Variants in ZNF777 observed in about 807,000 individuals in gnomAD.
ZNF777 encodes the protein zinc finger protein 777.
Under a neutral mutation model 72.1 loss-of-function variants are expected in ZNF777, and 7 were observed. The observed-to-expected ratio is 0.10, with a 90% CI of 0.06 to 0.18. The LOEUF is 0.18. Ranked by LOEUF, ZNF777 falls within the 10% of genes least tolerant of loss-of-function variation. The probability of loss-of-function intolerance (pLI) is 1.00; values close to 1 mark genes in which losing one functional copy is unlikely to be tolerated. For missense variants in ZNF777, 828 were observed against 1,128.6 expected (o/e 0.73, Z 3.82); for synonymous variants, 545 against 483.5 (o/e 1.13, Z -1.67).
chr7:149,451,562 G>C (rs1799717434), intron 3 of ZNF777, among the ~76,000 whole-genome samples: 1 of 151,842 alleles, frequency 6.6e-6, no homozygotes, highest in Admixed American at 6.6e-5. Flanking sequence ...CGTGGTGGCG[G>C]ATGCCTGTAA....
In ZNF777 at chr7:149,454,118, A is replaced by C; in HGVS notation, c.966T>G (p.Val322=). 6.2e-7 allele frequency: 1 copy of C among 1,614,200 alleles called. No individual in the cohort carries two copies. The highest frequency in any genetic ancestry group is 8.5e-7 in the Non-Finnish European group (1 of 1,180,018). Residue 322 remains valine, a synonymous_variant, in exon 3 of 6, where the codon GTT becomes GTG. Coordinates refer to ENST00000247930, the MANE Select transcript of ZNF777 (RefSeq NM_015694.3). ...GCGAAGGCTTCTCCTTACCCATGGA[A>C]ACCAGGGACTCGTAGTTGCCCCTCA... ...NVMRGNYESL[V]SMDYAISKPD... is the part of the protein sequence containing the mutation.
chr7:149,458,457 G>A (rs990319198), intron 1 of ZNF777, among the ~76,000 whole-genome samples: 5 of 152,104 alleles, frequency 3.3e-5, no homozygotes, highest in African/African-American at 1.2e-4. Flanking sequence ...TCCCTGGGGA[G>A]CAAGTTAGTC....
intron 4 of ZNF777, among the ~76,000 whole-genome samples, chr7:149,439,717 G>C (rs914121177): frequency 6.6e-6 from 1 of 152,136 alleles, no homozygotes; most frequent in Non-Finnish European, 1.5e-5. Context: ...AAATGTGTAT[G>C]TAAGTTGAAA....
intron 4 of ZNF777, among the ~76,000 whole-genome samples, chr7:149,439,062 G>T (rs1007317147): frequency 1.3e-5 from 2 of 152,024 alleles, no homozygotes; most frequent in South Asian, 2.1e-4. Flanking sequence ...CTGGCTCAAA[G>T]TCACCATCTT....
At position 149,432,264 on chromosome 7, in the gene ZNF777, T is replaced by C. The variant is rs1799322148; in HGVS notation, c.2008A>G (p.Lys670Glu). ...GERPYTCPEC[K>E]KSFRLHISLV... The stretch of plus-strand genomic sequence containing the variant: ...CTGATGTGCAGGCGGAAGCTCTTCT[T>C]GCACTCGGGGCACGTGTAGGGCCGC... The change falls in exon 6 of 6, where the codon AAG becomes GAG. Residue 670 changes from lysine (K) to glutamate (E), a missense_variant. Around this residue, in one of 12 missense-constraint regions of ZNF777, gnomAD observed 26 missense variants for 62.1 expected, o/e 0.42. Coordinates refer to ENST00000247930, the MANE Select transcript of ZNF777 (RefSeq NM_015694.3). The C allele has an allele frequency of 6.3e-7, 1 of 1,593,886 alleles. No individual in the cohort carries two copies. The highest frequency in any genetic ancestry group is 8.5e-7 in the Non-Finnish European group (1 of 1,173,848).
rs1799423087 is a variant in ZNF777 at position 149,436,982 on chromosome 7, G to A, written c.1088-156C>T. 6.6e-6 allele frequency among the ~76,000 whole-genome samples: 1 copy of A among 152,136 alleles called. No homozygotes were observed. The highest frequency in any genetic ancestry group is 2.4e-5 in the African/African-American group (1 of 41,416). ...ATTGAGTTGGAAATGAGTAGACACA[G>A]AATTTTCTGGACACCTTGTAGCTTT... On this transcript the variant is annotated intron_variant, in intron 4 of 5. Transcript: ENST00000247930. The surrounding 1 kb of genome is among the most constrained non-coding windows in gnomAD (Gnocchi z 5.0).
chr7:149,432,438 T>G lies in ZNF777; in HGVS notation c.1834A>C (p.Asn612His). The G allele has an allele frequency of 6.2e-7, 1 of 1,613,520 alleles. No homozygotes were observed. Among genetic ancestry groups the G allele is most frequent in the Non-Finnish European group, 8.5e-7 (1 of 1,179,914 alleles). ...CVSPERGPTF[N>H]PKHALKPRPK... ...CGCGGCTTGAGCGCGTGCTTGGGGT[T>G]GAACGTGGGCCCGCGTTCGGGTGAG... Residue 612 changes from asparagine to histidine, a missense_variant, in exon 6 of 6, where the codon AAC (asparagine) becomes CAC (histidine). Asn to His is a moderately conservative substitution (Grantham distance 68). Coordinates refer to ENST00000247930, the MANE Select transcript of ZNF777 (RefSeq NM_015694.3).
At position 149,431,928 on chromosome 7, in the gene ZNF777, C is replaced by G. The variant is rs774777565; in HGVS notation, c.2344G>C (p.Glu782Gln). ...TTCTGCGTGAAGCGCTTGCCGCACT[C>G]GGCGCAGTGGTAGGGCCGCTCGCCT... ...HTGERPYHCA[E>Q]CGKRFTQKHH... Residue 782 changes from glutamate to glutamine, a missense_variant, in exon 6 of 6, where the codon GAG becomes CAG. This residue lies in a region of ZNF777 where 49 missense variants were observed against 135.8 expected (regional missense o/e 0.36). Transcript: ENST00000247930. 1 of 1,608,916 alleles carries G rather than the reference C, an allele frequency of 6.2e-7. No homozygotes were observed. The highest frequency in any genetic ancestry group is 8.5e-7 in the Non-Finnish European group (1 of 1,179,174).
At chr7:149,449,067 C>T (rs983687865) in intron 4 of ZNF777, among the ~76,000 whole-genome samples, 1 of 152,194 alleles carries the variant, frequency 6.6e-6, no homozygotes, top group Non-Finnish European at 1.5e-5. Context: ...AAGGAGAAGG[C>T]GCTTGGATGG....
chr7:149,450,912 A>C, intron 4 of ZNF777, 87 bp downstream of exon 4: 2 of 1,219,694 alleles, frequency 1.6e-6, no homozygotes, highest in Non-Finnish European at 2.3e-6. Flanking sequence ...GGCAGGGCCT[A>C]CCTTGGATTG....
intron 4 of ZNF777, among the ~76,000 whole-genome samples, chr7:149,440,517 C>T (rs1407362854): frequency 3.0e-4 from 45 of 151,924 alleles, no homozygotes; most frequent in Non-Finnish European, 1.2e-4. Flanking sequence ...GCTACCATGC[C>T]CAGCTAATTT....
intron 4 of ZNF777, among the ~76,000 whole-genome samples, chr7:149,449,162 T>C (rs935120931): frequency 2.6e-5 from 4 of 152,200 alleles, no homozygotes; most frequent in Non-Finnish European, 5.9e-5. Flanking sequence ...GCCTTTGGTT[T>C]AGCACAGAGG....
chr7:149,453,607 T>C (rs2116603599), intron 3 of ZNF777, among the ~76,000 whole-genome samples: 1 of 152,302 alleles, frequency 6.6e-6, no homozygotes, highest in Non-Finnish European at 1.5e-5. Context: ...ACAGCCTCAG[T>C]GTTCAGGCAC....
At position 149,455,118 on chromosome 7, in the gene ZNF777, C is replaced by G. The variant is rs545005546; in HGVS notation, c.846+59G>C. 6 of 1,544,248 alleles carry G rather than the reference C, an allele frequency of 3.9e-6. No homozygotes were observed. Among genetic ancestry groups the G allele is most frequent in the African/African-American group, 1.4e-5 (1 of 72,374 alleles). The stretch of plus-strand genomic sequence containing the variant: ...CTTTCTTTCATATTACACTACATTC[C>G]TAAACCACACTCCAATTCAGATCAC... On this transcript the variant is annotated intron_variant, in intron 2 of 5. Coordinates refer to ENST00000247930, the MANE Select transcript of ZNF777 (RefSeq NM_015694.3). The surrounding 1 kb of genome is among the most constrained non-coding windows in gnomAD (Gnocchi z 4.2).
Position 149,432,166 on chromosome 7 carries a change from G to T in ZNF777, c.2106C>A (p.Ser702Arg). The change falls in exon 6 of 6, where the codon AGC becomes AGA. Residue 702 changes from serine to arginine, a missense_variant. Physicochemically the swap from Ser to Arg is moderately radical, Grantham distance 110. Around this residue, in one of 12 missense-constraint regions of ZNF777, gnomAD observed 24 missense variants for 23.3 expected, o/e 1.03. Coordinates refer to ENST00000247930, the MANE Select transcript of ZNF777 (RefSeq NM_015694.3). ...GCAGCAGGTGCGAGGGGCGGCTGAAGCTCTTGCCGCACAGGCTGCAGATGA... is the reference window on the plus strand; with the variant it reads ...GCAGCAGGTGCGAGGGGCGGCTGAATCTCTTGCCGCACAGGCTGCAGATGA... Reference protein sequence around the residue: ...VSFICSLCGKSFSRPSHLLRH... With the variant: ...VSFICSLCGKRFSRPSHLLRH... The T allele has an allele frequency of 1.2e-6, 2 of 1,604,960 alleles. No individual in the cohort carries two copies. Among genetic ancestry groups the T allele is most frequent in the Non-Finnish European group, 1.7e-6 (2 of 1,179,868 alleles).
chr7:149,450,586 G>A (rs1306574207), intron 4 of ZNF777, among the ~76,000 whole-genome samples: 2 of 152,198 alleles, frequency 1.3e-5, no homozygotes, highest in African/African-American at 4.8e-5. Flanking sequence ...AGCTGTGCAT[G>A]TAGGATGTTT....
intron 1 of ZNF777, among the ~76,000 whole-genome samples, chr7:149,456,678 G>A (rs538110596): frequency 1.3e-5 from 2 of 152,332 alleles, no homozygotes; most frequent in African/African-American, 4.8e-5. Flanking sequence ...TTAGGCCTTT[G>A]TGGTGCCCTG....
At chr7:149,448,330 C>T (rs986673239) in intron 4 of ZNF777, among the ~76,000 whole-genome samples, 6 of 150,862 alleles carry the variant, frequency 4.0e-5, no homozygotes, top group African/African-American at 7.3e-5. Flanking sequence ...ATTAGCTGGG[C>T]GTGGTGGCAC....
chr7:149,456,004 A>G lies in ZNF777; in HGVS notation c.19T>C (p.Ser7Pro), dbSNP rs1459341410. ...GGAACACTGGGGAACGACAGAGGTG[A>G]TGAGCGTTGGTTCTCCATGTCCAGC... Reference protein sequence around the residue: MENQRSSPLSFPSVPQE... With the variant: MENQRSPPLSFPSVPQE... The change falls in exon 2 of 6, where the codon TCA becomes CCA. Residue 7 changes from serine (S) to proline (P), a missense_variant. Physicochemically the swap from Ser to Pro is moderately conservative, Grantham distance 74. Transcript: ENST00000247930. 11 of 1,593,332 alleles carry G rather than the reference A, an allele frequency of 6.9e-6. No individual in the cohort carries two copies. Among genetic ancestry groups the G allele is most frequent in the Non-Finnish European group, 8.6e-6 (10 of 1,169,088 alleles).
Sources: gnomAD v4.1 joint callset for allele counts (sites outside exome capture counted in the v4.1 genomes callset) on GRCh38, gnomAD v4.1.1 for gene constraint, gnomAD v4.1.1 regional missense constraint, Gnocchi (gnomAD v3.1) non-coding constraint, MANE v1.5 for transcripts, NCBI Gene and HGNC (gene_info 2026-07-23, HGNC 2026-07-21) for gene names.